Variants in GSTCD observed in about 807,000 individuals in gnomAD.
GSTCD encodes the protein glutathione S-transferase C-terminal domain-containing protein.
In GSTCD, 44 loss-of-function variants were observed where a neutral mutation model predicts 68.3. That is an observed-to-expected ratio of 0.64 (90% CI 0.51 to 0.83). GSTCD has a LOEUF of 0.83. Ranked by LOEUF, GSTCD falls within the 40% of genes least tolerant of loss-of-function variation. The pLI, the probability that GSTCD is intolerant of heterozygous loss-of-function variation, is 0.00. For synonymous variants in GSTCD, 273 were observed against 255.2 expected, an observed-to-expected ratio of 1.07 and a Z score of -0.67; for missense variants, 739 against 735.9, an observed-to-expected ratio of 1.00 and a Z score of -0.05.
intron 5 of GSTCD, among the ~76,000 whole-genome samples, chr4:105,741,965 A>C (rs1358712851): frequency 6.6e-6 from 1 of 152,200 alleles, no homozygotes; most frequent in Non-Finnish European, 1.5e-5. Flanking sequence ...AGGGGTATGG[A>C]GGATCACTGT....
rs568687048 is a variant in GSTCD at position 105,756,290 on chromosome 4, A to G, written c.1240+26791A>G. 3.9e-5 allele frequency among the ~76,000 whole-genome samples: 6 copies of G among 152,106 alleles called. No individual in the cohort carries two copies. The South Asian group carries it at 8.3e-4, about 21-fold the overall frequency. On this transcript the variant is annotated intron_variant, in intron 5 of 11. Transcript: ENST00000515279. ...ATGATTGATTATTAATTCAATTTCC[A>G]TCCCCTCTCCCCTCTCCAGAGAATG...
At chr4:105,752,539 G>A (rs1734041919) in intron 5 of GSTCD, among the ~76,000 whole-genome samples, 2 of 151,980 alleles carry the variant, frequency 1.3e-5, no homozygotes, top group South Asian at 4.1e-4. Flanking sequence ...TTTATCTGAG[G>A]TTTATTTTAT....
chr4:105,822,771 A>G (rs1723368996), intron 5 of GSTCD, among the ~76,000 whole-genome samples, 183 bp from the exon 6 acceptor site: 2 of 152,136 alleles, frequency 1.3e-5, no homozygotes. Context: ...CTCGGGTTCT[A>G]GTCCTCCTAG....
rs745542078 is a variant in GSTCD at position 105,726,740 on chromosome 4, G to A, written c.1056G>A (p.Gln352=). Residue 352 remains glutamine (Q), a synonymous_variant, in exon 4 of 12, where the codon CAG becomes CAA. Transcript: ENST00000515279. The part of the protein sequence containing the change: ...LPKLLTTSTE[Q]HPNLCEVPGV... ...AGTTGTTGACAACCTCAACTGAACA[G>A]CATCCAAACTTATGTGAAGTCCCAG... 6.2e-6 allele frequency: 10 copies of A among 1,613,874 alleles called. No individual in the cohort carries two copies. The highest frequency in any genetic ancestry group is 1.7e-4 in the Middle Eastern group (1 of 6,060).
intron 1 of GSTCD, among the ~76,000 whole-genome samples, chr4:105,710,306 C>T (rs1396502873): frequency 1.5e-5 from 2 of 134,544 alleles, no homozygotes; most frequent in Non-Finnish European, 1.5e-5. Context: ...TGGCAACATC[C>T]GCCTCCCGGG....
rs574819028 is a variant in GSTCD, at chr4:105,827,995, A to G, written c.1530+2195A>G. Among the ~76,000 whole-genome samples the G allele has an allele frequency of 3.9e-5, 6 of 152,202 alleles. No homozygotes were observed. In the East Asian group the frequency reaches 9.6e-4, roughly 24 times the overall value. On this transcript the variant is annotated intron_variant, in intron 8 of 11. Transcript: ENST00000515279. ...ATTACATAAAGGGTCATGACTATGGAAAAATGCTCATTTTGCATTAAAAAC... is the reference window on the plus strand; with the variant it reads ...ATTACATAAAGGGTCATGACTATGGGAAAATGCTCATTTTGCATTAAAAAC...
chr4:105,719,033 A>T (rs763774943), intron 2 of GSTCD, 27 bp from the exon 3 acceptor site: 1 of 1,507,788 alleles, frequency 6.6e-7, no homozygotes. Flanking sequence ...AAATCTTTTC[A>T]TTTCTTGTTT....
chr4:105,807,100 C>G (rs932247419), intron 5 of GSTCD: 7 of 152,112 alleles, frequency 4.6e-5, no homozygotes, highest in Admixed American at 1.3e-4. Context: ...TAAAATTACC[C>G]ATTTTTTAAA....
rs1732784123 is a variant in GSTCD at position 105,719,293 on chromosome 4, G to A, written c.660G>A (p.Lys220=). The part of the protein sequence containing the change: ...PPLTKGKAKS[K]VHTQETSEGL... Reference sequence around the variant, plus strand: ...TTACTAAGGGAAAGGCAAAGAGCAAGGTCCACACACAGGAAACATCTGAAG... The same window carrying A: ...TTACTAAGGGAAAGGCAAAGAGCAAAGTCCACACACAGGAAACATCTGAAG... Residue 220 remains lysine, a synonymous_variant, in exon 3 of 12, where the codon AAG becomes AAA. Coordinates refer to ENST00000515279, the MANE Select transcript of GSTCD (RefSeq NM_001370181.1). The A allele has an allele frequency of 4.3e-6, 7 of 1,613,962 alleles. No individual in the cohort carries two copies. The highest frequency in any genetic ancestry group is 1.6e-4 in the Middle Eastern group (1 of 6,084).
chr4:105,756,444 A>G (rs1464274272), intron 5 of GSTCD, among the ~76,000 whole-genome samples: 1 of 151,204 alleles, frequency 6.6e-6, no homozygotes, highest in Non-Finnish European at 1.5e-5. Flanking sequence ...TGAAAATCCC[A>G]AGGAATTTAG....
At chr4:105,749,747 CAA>C (rs1464974327) in intron 5 of GSTCD, among the ~76,000 whole-genome samples, 1 of 151,760 alleles carries the variant, frequency 6.6e-6, no homozygotes, top group African/African-American at 2.4e-5. Flanking sequence ...GGGACCTAAG[CAA>C]AGAGTAGGCA....
At chr4:105,775,986 G>A (rs1735044524) in intron 5 of GSTCD, among the ~76,000 whole-genome samples, 2 of 152,344 alleles carry the variant, frequency 1.3e-5, no homozygotes, top group Middle Eastern at 3.4e-3. Context: ...AGGGAGATGG[G>A]AGTTTTATCC....
intron 5 of GSTCD, among the ~76,000 whole-genome samples, chr4:105,737,933 T>C (rs1733511577): frequency 6.6e-6 from 1 of 152,144 alleles, no homozygotes; most frequent in Non-Finnish European, 1.5e-5. Context: ...AATGTGTGAG[T>C]TCTCACTCTT....
intron 5 of GSTCD, among the ~76,000 whole-genome samples, chr4:105,731,951 CAT>C (rs1402831900): frequency 1.3e-5 from 2 of 152,246 alleles, no homozygotes; most frequent in Non-Finnish European, 2.9e-5. Flanking sequence ...TTGAGATAAT[CAT>C]GTGGTTTTTG....
intron 5 of GSTCD, among the ~76,000 whole-genome samples, chr4:105,735,078 C>G (rs1049959087): frequency 6.6e-6 from 1 of 152,192 alleles, no homozygotes; most frequent in African/African-American, 2.4e-5. Flanking sequence ...TGTTAGGTGT[C>G]ATTCTGCCCC....
chr4:105,726,950 C>T lies in GSTCD; in HGVS notation c.1146+120C>T, dbSNP rs969710280. On this transcript the variant is annotated intron_variant, in intron 4 of 11. Coordinates refer to ENST00000515279, the MANE Select transcript of GSTCD (RefSeq NM_001370181.1). ...TGTTATAAATTTTATTTGTAGCTTTCTTCACTCTTTACCAGTTAATATTTC... is the reference window on the plus strand; with the variant it reads ...TGTTATAAATTTTATTTGTAGCTTTTTTCACTCTTTACCAGTTAATATTTC... 6.4e-6 allele frequency: 5 copies of T among 787,166 alleles called. No homozygotes were observed. The African/African-American group carries it at 7.0e-5, about 11-fold the overall frequency. The allele number at this position is 787,166 out of a possible 1,614,324, so 48.8% of individuals were successfully genotyped here.
chr4:105,839,379 T>G (rs894409853), intron 10 of GSTCD, among the ~76,000 whole-genome samples: 1 of 152,252 alleles, frequency 6.6e-6, no homozygotes, highest in Non-Finnish European at 1.5e-5. Context: ...CTCACGCCTG[T>G]AAACCCAGCA....
intron 3 of GSTCD, among the ~76,000 whole-genome samples, chr4:105,722,225 T>C (rs1438039010): frequency 1.3e-5 from 2 of 152,008 alleles, no homozygotes; most frequent in Non-Finnish European, 2.9e-5. Flanking sequence ...AAATCATTCC[T>C]CTTTTAGAAA....
Position 105,710,520 on chromosome 4 carries a change from C to T in GSTCD, c.-22+1504C>T, listed in dbSNP as rs539869382. Among the ~76,000 whole-genome samples the T allele has an allele frequency of 1.7e-4, 26 of 151,800 alleles. No homozygotes were observed. In the South Asian group the frequency reaches 5.4e-3, roughly 32 times the overall value. On this transcript the variant is annotated intron_variant, in intron 1 of 11. Transcript: ENST00000515279. ...GTGGGATTACAGGCGTGAGCCACCGCGCCCGGCCTGTTTTTGTTTTTTTAA... is the reference window on the plus strand; with the variant it reads ...GTGGGATTACAGGCGTGAGCCACCGTGCCCGGCCTGTTTTTGTTTTTTTAA...
Sources: gnomAD v4.1 joint callset for allele counts (sites outside exome capture counted in the v4.1 genomes callset) on GRCh38, gnomAD v4.1.1 for gene constraint, MANE v1.5 for transcripts, NCBI Gene and HGNC (gene_info 2026-07-23, HGNC 2026-07-21) for gene names.